MYT1L: variants seen among roughly 807,000 people sequenced by gnomAD.
MYT1L encodes myelin transcription factor 1 like, also known as myelin transcription factor 1-like protein.
Under a neutral mutation model 126.7 loss-of-function variants are expected in MYT1L, and 12 were observed. The observed-to-expected ratio is 0.09, with a 90% CI of 0.06 to 0.15. MYT1L has a LOEUF of 0.15. Among genes scored for constraint, MYT1L ranks in the 10% least tolerant of loss-of-function variants. The pLI is 1.00. For synonymous variants in MYT1L, 541 were observed against 604.2 expected (o/e 0.90, Z 1.53); for missense variants, 979 against 1,585.2 (o/e 0.62, Z 6.49).
chr2:2,272,936 C>T (rs569860084), intron 2 of MYT1L, among the ~76,000 whole-genome samples: 2 of 152,294 alleles, frequency 1.3e-5, no homozygotes, highest in South Asian at 2.1e-4. Flanking sequence ...AGCTTCTTGC[C>T]TGTGCCCCTG....
chr2:1,943,350 G>T lies in MYT1L; in HGVS notation c.153-16C>A. 1 of 1,530,012 alleles carries T rather than the reference G, an allele frequency of 6.5e-7. No individual in the cohort carries two copies. Among genetic ancestry groups the T allele is most frequent in the South Asian group, 1.3e-5 (1 of 77,972 alleles). 94.8% of individuals were successfully genotyped at this position (1,530,012 alleles called of 1,614,324 possible). A position where few individuals can be genotyped will look rare whatever the true frequency, so the allele number is the denominator to read the frequency against. ...ACCATATACACTAATTAAAAAAATA[G>T]AGAAGGCAGGGGAGAGAGAGAAAAA... On this transcript the variant is annotated splice_polypyrimidine_tract_variant and intron_variant, in intron 8 of 24. Coordinates refer to ENST00000647738, the MANE Select transcript of MYT1L (RefSeq NM_001303052.2). The surrounding 1 kb of genome is among the most constrained non-coding windows in gnomAD (Gnocchi z 4.4).
chr2:2,031,704 T>C (rs1456388448), intron 4 of MYT1L, among the ~76,000 whole-genome samples: 1 of 131,820 alleles, frequency 7.6e-6, no homozygotes, highest in Non-Finnish European at 1.6e-5. Context: ...GAGGGCCTTA[T>C]ACACACCCCC....
At chr2:1,872,377 T>G (rs2046383221) in intron 18 of MYT1L, among the ~76,000 whole-genome samples, 1 of 152,166 alleles carries the variant, frequency 6.6e-6, no homozygotes, top group Non-Finnish European at 1.5e-5. Flanking sequence ...GACCAAAATA[T>G]GCCAGCTAGG....
At chr2:2,323,179 T>A (rs2096199764) in intron 1 of MYT1L, among the ~76,000 whole-genome samples, 1 of 152,186 alleles carries the variant, frequency 6.6e-6, no homozygotes, top group African/African-American at 2.4e-5. Context: ...AGGTTTAGAT[T>A]CATTAAAGGT....
rs373753023 is a variant in MYT1L at position 2,169,994 on chromosome 2, G to A, written c.-304+2878C>T. Among the ~76,000 whole-genome samples the A allele has an allele frequency of 2.0e-5, 3 of 152,296 alleles. No individual in the cohort carries two copies. In the South Asian group the frequency reaches 6.2e-4, roughly 32 times the overall value. ...ATTTTCTCCTCTTGAAATCTTTTGA[G>A]TCTCTTGAATTCTGCTCTGATTTCC... On this transcript the variant is annotated intron_variant, in intron 3 of 24. Coordinates refer to ENST00000647738, the MANE Select transcript of MYT1L (RefSeq NM_001303052.2).
chr2:1,919,807 C>T (rs1418592150), intron 10 of MYT1L, among the ~76,000 whole-genome samples: 1 of 152,172 alleles, frequency 6.6e-6, no homozygotes. Flanking sequence ...CGGCTCACTG[C>T]AAGCTCCGCC....
chr2:2,253,139 TA>T lies in MYT1L; in HGVS notation c.-421+31264del, dbSNP rs891458700. Among the ~76,000 whole-genome samples the T allele has an allele frequency of 1.1e-3, 163 of 148,498 alleles. 1 individual carries two copies. Among genetic ancestry groups the T allele is most frequent in the African/African-American group, 3.6e-3 (147 of 40,498 alleles). On this transcript the variant is annotated intron_variant, in intron 2 of 24. Coordinates refer to ENST00000647738, the MANE Select transcript of MYT1L (RefSeq NM_001303052.2). The stretch of plus-strand genomic sequence containing the variant: ...ACCTTTGAAAAAGAAAAAAAGAATT[TA>T]AAAAAAAAAGAAAAAAAGAGAAGGA...
chr2:2,311,010 G>A (rs1309453324), intron 1 of MYT1L, among the ~76,000 whole-genome samples: 2 of 152,154 alleles, frequency 1.3e-5, no homozygotes, highest in Admixed American at 6.5e-5. Context: ...ATCTGTGACT[G>A]CCTTTCCCCA....
At chr2:2,222,905 C>T (rs945310647) in intron 2 of MYT1L, among the ~76,000 whole-genome samples, 6 of 152,150 alleles carry the variant, frequency 3.9e-5, no homozygotes, top group Non-Finnish European at 8.8e-5. Context: ...ATAAAATATG[C>T]ATCAGTAGCT....
intron 8 of MYT1L, among the ~76,000 whole-genome samples, chr2:1,952,966 CCCT>C (rs1243314380): frequency 8.3e-6 from 1 of 120,046 alleles, no homozygotes; most frequent in Non-Finnish European, 1.8e-5. Flanking sequence ...CTCCCTCCCT[CCCT>C]CCTTCCTTCC....
At chr2:2,111,487 G>A (rs1247536577) in intron 3 of MYT1L, among the ~76,000 whole-genome samples, 1 of 152,234 alleles carries the variant, frequency 6.6e-6, no homozygotes, top group Non-Finnish European at 1.5e-5. Flanking sequence ...AGGTGGTTAA[G>A]AAACTGGGAG....
At chr2:1,914,828 C>T (rs2052587532) in intron 11 of MYT1L, among the ~76,000 whole-genome samples, 1 of 152,234 alleles carries the variant, frequency 6.6e-6, no homozygotes, top group Non-Finnish European at 1.5e-5. Context: ...CCAGCTTTTC[C>T]ATTCCCACAA....
At chr2:1,872,554 T>C (rs1429126900) in intron 18 of MYT1L, among the ~76,000 whole-genome samples, 4 of 152,252 alleles carry the variant, frequency 2.6e-5, no homozygotes, top group Non-Finnish European at 1.5e-5. Context: ...AAGGCAAAGA[T>C]ATATTCGAAA....
chr2:1,837,388 CA>C, intron 21 of MYT1L, among the ~76,000 whole-genome samples: 1 of 152,104 alleles, frequency 6.6e-6, no homozygotes, highest in Non-Finnish European at 1.5e-5. Context: ...ACTCATAGGT[CA>C]AATGGGCAGG....
chr2:1,915,015 GCAGAGCCCCGGCC>G (rs2052617756), intron 11 of MYT1L, among the ~76,000 whole-genome samples: 3 of 151,976 alleles, frequency 2.0e-5, no homozygotes, highest in African/African-American at 7.3e-5. Flanking sequence ...TCCCCACCGT[GCAGAGCCCCGGCC>G]TCGTGCAGAG....
At chr2:2,299,941 G>GA (rs1168099590) in intron 1 of MYT1L, among the ~76,000 whole-genome samples, 12 of 151,856 alleles carry the variant, frequency 7.9e-5, no homozygotes, top group African/African-American at 2.2e-4. Context: ...AAAGCAAAGG[G>GA]AAAAAAAATC....
At chr2:2,183,737 AGAAG>A (rs922912031) in intron 2 of MYT1L, among the ~76,000 whole-genome samples, 1 of 151,172 alleles carries the variant, frequency 6.6e-6, no homozygotes, top group African/African-American at 2.4e-5. Context: ...TATAACTAAA[AGAAG>A]GAAGGAAGGG....
intron 4 of MYT1L, among the ~76,000 whole-genome samples, chr2:2,045,121 A>G (rs1414645237): frequency 2.6e-5 from 4 of 152,208 alleles, no homozygotes; most frequent in Non-Finnish European, 5.9e-5. Flanking sequence ...CTTGAACAGA[A>G]AGTCTATGAG....
intron 3 of MYT1L, among the ~76,000 whole-genome samples, chr2:2,120,896 G>A (rs2080899792): frequency 6.6e-6 from 1 of 151,890 alleles, no homozygotes; most frequent in Admixed American, 6.6e-5. Context: ...GCACTGTGTG[G>A]TGGGTGTTTT....
Sources: gnomAD v4.1 joint callset for allele counts (sites outside exome capture counted in the v4.1 genomes callset) on GRCh38, gnomAD v4.1.1 for gene constraint, Gnocchi (gnomAD v3.1) non-coding constraint, MANE v1.5 for transcripts, NCBI Gene and HGNC (gene_info 2026-07-23, HGNC 2026-07-21) for gene names.